Variants in PPP6R3 observed in about 807,000 individuals in gnomAD.
PPP6R3 encodes the protein serine/threonine-protein phosphatase 6 regulatory subunit 3.
In PPP6R3, 38 loss-of-function variants were observed where a neutral mutation model predicts 110.7. The ratio of observed to expected loss-of-function variants is 0.34; its 90% CI spans 0.26 to 0.45. PPP6R3 has a LOEUF of 0.45. Among genes scored for constraint, PPP6R3 ranks in the 20% least tolerant of loss-of-function variants. The probability of loss-of-function intolerance (pLI) is 1.00; values close to 1 mark genes in which losing one functional copy is unlikely to be tolerated. For synonymous variants in PPP6R3, 369 were observed against 373.5 expected (o/e 0.99, Z 0.14); for missense variants, 870 against 1,062.4 (o/e 0.82, Z 2.52).
intron 2 of PPP6R3, among the ~76,000 whole-genome samples, chr11:68,523,875 T>A (rs2099180201): frequency 6.6e-6 from 1 of 152,088 alleles, no homozygotes; most frequent in Non-Finnish European, 1.5e-5. Context: ...TTTTTTCTCC[T>A]TTGTCCTTTA....
intron 1 of PPP6R3, chr11:68,505,333 T>C (rs945080714): frequency 7.9e-5 from 12 of 152,270 alleles, no homozygotes; most frequent in African/African-American, 2.9e-4. Flanking sequence ...TATGCTGCAC[T>C]AGTTCATTTA....
chr11:68,515,008 T>C (rs907278661), intron 1 of PPP6R3: 9 of 152,202 alleles, frequency 5.9e-5, no homozygotes, highest in South Asian at 2.1e-4. Flanking sequence ...TTTTAGACTT[T>C]AGGGCTTTTG....
At chr11:68,572,752 G>T (rs2099512489) in intron 12 of PPP6R3, among the ~76,000 whole-genome samples, 1 of 151,998 alleles carries the variant, frequency 6.6e-6, no homozygotes, top group Admixed American at 6.6e-5. Context: ...CGAAGTGAGA[G>T]AATTGCCTGA....
intron 1 of PPP6R3, among the ~76,000 whole-genome samples, chr11:68,511,463 A>AGAGTGTGTGTGTGTGTGTGTGT (rs1555082964): frequency 2.9e-4 from 40 of 138,602 alleles, no homozygotes; most frequent in South Asian, 4.5e-4. Flanking sequence ...ACTGTGTTAG[A>AGAGTGTGTGTGTGTGTGTGTGT]GTGTGTGTGT....
chr11:68,548,111 T>C lies in PPP6R3; in HGVS notation c.459T>C (p.Ile153=). 6.2e-7 allele frequency: 1 copy of C among 1,613,900 alleles called. No homozygotes were observed. Among genetic ancestry groups the C allele is most frequent in the Non-Finnish European group, 8.5e-7 (1 of 1,179,768 alleles). ...AGAAGCATGATTTTGTAGACCTTAT[T>C]ATAAAGCACATAGGAACTTCTGCTA... is the stretch of plus-strand genomic sequence containing the variant. ...LKKKHDFVDL[I]IKHIGTSAIM... The change falls in exon 5 of 24, where the codon ATT becomes ATC. Residue 153 remains isoleucine, a synonymous_variant. Coordinates refer to ENST00000393800, the MANE Select transcript of PPP6R3 (RefSeq NM_001164161.2).
At position 68,613,610 on chromosome 11, in the gene PPP6R3, T is replaced by G. The variant is rs1459672868; in HGVS notation, c.*493T>G. ...TTGTAGAATGAAAATGCCCTCTAAG[T>G]GTTATTTTGGTTGTTCTAACTTACA... On this transcript the variant is annotated 3_prime_UTR_variant, in exon 24 of 24. Transcript: ENST00000393800. The G allele has an allele frequency of 9.1e-6, 9 of 985,818 alleles. No homozygotes were observed. The highest frequency in any genetic ancestry group is 1.7e-5 in the African/African-American group (1 of 57,260). 61.1% of individuals were successfully genotyped at this position (985,818 alleles called of 1,614,324 possible).
In PPP6R3 at chr11:68,602,491, C is replaced by T. The variant is rs534602513; in HGVS notation, c.2299+522C>T. On this transcript the variant is annotated intron_variant, in intron 21 of 23. Coordinates refer to ENST00000393800, the MANE Select transcript of PPP6R3 (RefSeq NM_001164161.2). ...CCTGAACTGTTTTCACCTTGATGGACGGGGCTTTGGGAGGAGGGGGATGCT... is the reference window on the plus strand; with the variant it reads ...CCTGAACTGTTTTCACCTTGATGGATGGGGCTTTGGGAGGAGGGGGATGCT... 1.5e-4 allele frequency among the ~76,000 whole-genome samples: 23 copies of T among 152,080 alleles called. No homozygotes were observed. The South Asian group carries it at 4.2e-3, about 27-fold the overall frequency.
intron 10 of PPP6R3, among the ~76,000 whole-genome samples, chr11:68,567,929 C>G (rs553612174): frequency 1.9e-4 from 29 of 152,024 alleles, no homozygotes; most frequent in African/African-American, 7.0e-4. Flanking sequence ...CTCCAGGACC[C>G]TCGGGTGAAC....
intron 1 of PPP6R3, among the ~76,000 whole-genome samples, chr11:68,494,458 C>T (rs1274405585): frequency 6.9e-6 from 1 of 145,450 alleles, no homozygotes; most frequent in Non-Finnish European, 1.5e-5. Context: ...GCAAGTGTAT[C>T]AGCAATAGAT....
intron 1 of PPP6R3, among the ~76,000 whole-genome samples, chr11:68,478,954 C>A (rs1396008175): frequency 6.6e-6 from 1 of 152,030 alleles, no homozygotes; most frequent in African/African-American, 2.4e-5. Flanking sequence ...CCATGCCCGG[C>A]CAGTCTGAAC....
intron 5 of PPP6R3, among the ~76,000 whole-genome samples, chr11:68,550,601 C>G (rs1313370166): frequency 6.6e-6 from 1 of 152,154 alleles, no homozygotes; most frequent in Admixed American, 6.5e-5. Context: ...AAAACTCTGC[C>G]TCTGTGCTTC....
intron 21 of PPP6R3, among the ~76,000 whole-genome samples, chr11:68,602,523 G>T (rs904991477): frequency 6.6e-6 from 1 of 152,152 alleles, no homozygotes; most frequent in African/African-American, 2.4e-5. Flanking sequence ...TGCTAGCAAA[G>T]GGAGTGTGAT....
chr11:68,524,814 C>A (rs936495444), intron 2 of PPP6R3, among the ~76,000 whole-genome samples: 1 of 152,248 alleles, frequency 6.6e-6, no homozygotes, highest in Non-Finnish European at 1.5e-5. Context: ...TCCTGTGAAT[C>A]CATGCCATCA....
Position 68,587,945 on chromosome 11 carries a change from A to C in PPP6R3, c.1651A>C (p.Met551Leu). 6.2e-7 allele frequency: 1 copy of C among 1,614,214 alleles called. No homozygotes were observed. Among genetic ancestry groups the C allele is most frequent in the Non-Finnish European group, 8.5e-7 (1 of 1,180,020 alleles). ...TTGCCAGGCCTTTTCTGATTATCAG[A>C]TGCAACAAATGACGTCCAATTTTAT... Reference protein sequence around the residue: ...SLQQAFSDYQMQQMTSNFIDQ... With the variant: ...SLQQAFSDYQLQQMTSNFIDQ... The change falls in exon 16 of 24, where the codon ATG becomes CTG. Residue 551 changes from methionine to leucine, a missense_variant. Met to Leu is a conservative substitution (Grantham distance 15). Coordinates refer to ENST00000393800, the MANE Select transcript of PPP6R3 (RefSeq NM_001164161.2).
intron 2 of PPP6R3, among the ~76,000 whole-genome samples, chr11:68,533,788 C>T (rs913195937): frequency 2.0e-5 from 3 of 148,608 alleles, no homozygotes; most frequent in Non-Finnish European, 4.5e-5. Context: ...GTGTTTAAAT[C>T]TCAAGTTTAA....
At chr11:68,530,602 T>G (rs1363292133) in intron 2 of PPP6R3, among the ~76,000 whole-genome samples, 1 of 152,208 alleles carries the variant, frequency 6.6e-6, no homozygotes, top group Non-Finnish European at 1.5e-5. Context: ...AGGATTCCAA[T>G]GGGGCCAGTT....
chr11:68,586,613 G>A (rs1046995559), intron 15 of PPP6R3: 7 of 152,316 alleles, frequency 4.6e-5, no homozygotes, highest in African/African-American at 1.4e-4. Flanking sequence ...TCTTGCATGA[G>A]CGACAAGGGA....
intron 14 of PPP6R3, among the ~76,000 whole-genome samples, chr11:68,582,154 C>T (rs1024425778): frequency 8.5e-5 from 13 of 152,126 alleles, no homozygotes; most frequent in African/African-American, 3.1e-4. Flanking sequence ...ATTCCCTGCC[C>T]AAAACACTTC....
At chr11:68,560,894 C>CTT (rs11295490) in intron 8 of PPP6R3, among the ~76,000 whole-genome samples, 3,840 of 117,840 alleles carry the variant, frequency 0.033, 222 homozygotes, top group African/African-American at 0.1. Context: ...TTCCTTATAC[C>CTT]TTTTTTTTTT....
Sources: gnomAD v4.1 joint callset for allele counts (sites outside exome capture counted in the v4.1 genomes callset) on GRCh38, gnomAD v4.1.1 for gene constraint, MANE v1.5 for transcripts, NCBI Gene and HGNC (gene_info 2026-07-23, HGNC 2026-07-21) for gene names.